The following LMBR1 variants were observed in gnomAD, a reference collection of about 807,000 sequenced individuals.
LMBR1 encodes the protein limb region 1 protein homolog.
Under a neutral mutation model 73.9 loss-of-function variants are expected in LMBR1, and 52 were observed. The ratio of observed to expected loss-of-function variants is 0.70; its 90% CI spans 0.56 to 0.89. The LOEUF is 0.89. Ranked by LOEUF, LMBR1 falls within the 40% of genes least tolerant of loss-of-function variation. The pLI, the probability that LMBR1 is intolerant of heterozygous loss-of-function variation, is 0.00. For missense variants in LMBR1, 539 were observed against 579.8 expected (o/e 0.93, Z 0.72); for synonymous variants, 215 against 209.4 (o/e 1.03, Z -0.23).
At chr7:156,801,731 C>T (rs796830208) in intron 4 of LMBR1, among the ~76,000 whole-genome samples, 17 of 152,138 alleles carry the variant, frequency 1.1e-4, no homozygotes, top group African/African-American at 4.1e-4. Context: ...GAGGTTTCAC[C>T]ATGTTGTCCA....
At chr7:156,734,626 A>G (rs1817512956) in intron 9 of LMBR1, among the ~76,000 whole-genome samples, 1 of 152,218 alleles carries the variant, frequency 6.6e-6, no homozygotes, top group Non-Finnish European at 1.5e-5. Context: ...CACCAGTACC[A>G]CAAAACCTAT....
At chr7:156,883,793 C>T (rs1365488958) in intron 1 of LMBR1, among the ~76,000 whole-genome samples, 1 of 152,176 alleles carries the variant, frequency 6.6e-6, no homozygotes, top group African/African-American at 2.4e-5. Context: ...TCTGTCATCA[C>T]ATCTCCTCTG....
chr7:156,676,307 G>A (rs550976049), downstream of LMBR1: 35 of 1,608,102 alleles, frequency 2.2e-5, no homozygotes, highest in South Asian at 6.6e-5. Flanking sequence ...TGAAACTTCC[G>A]CATGTTTCGA....
At chr7:156,844,506 C>T (rs1261213774) in intron 1 of LMBR1, among the ~76,000 whole-genome samples, 2 of 151,184 alleles carry the variant, frequency 1.3e-5, no homozygotes, top group East Asian at 1.9e-4. Context: ...TAAAAGAAAG[C>T]TATAATGATG....
intron 9 of LMBR1, among the ~76,000 whole-genome samples, chr7:156,748,884 T>G (rs188647239): frequency 3.0e-4 from 45 of 152,322 alleles, no homozygotes; most frequent in African/African-American, 1.1e-3. Flanking sequence ...TTCCTAAGCA[T>G]TCCTCATTTA....
rs1259777745 is a variant in LMBR1 at position 156,680,821 on chromosome 7, T to C, written c.*3257A>G. On this transcript the variant is annotated 3_prime_UTR_variant, in exon 17 of 17. Coordinates refer to ENST00000353442, the MANE Select transcript of LMBR1 (RefSeq NM_022458.4). ...GTTTTAGCCATGATAATATTTAAGA[T>C]GGAAAAAACAAAAGAACAAATAAAC... The C allele has an allele frequency of 4.9e-6, 1 of 203,238 alleles. No homozygotes were observed. The highest frequency in any genetic ancestry group is 9.8e-6 in the Non-Finnish European group (1 of 101,938). The allele number at this position is 203,238 out of a possible 1,614,324, so 12.6% of individuals were successfully genotyped here.
chr7:156,803,032 T>G (rs1408221957), intron 4 of LMBR1, among the ~76,000 whole-genome samples: 2 of 152,120 alleles, frequency 1.3e-5, no homozygotes, highest in African/African-American at 2.4e-5. Flanking sequence ...ATGTTAGACC[T>G]AAAACCATAA....
rs146816840 is a variant in LMBR1, at chr7:156,818,613, C to T, written c.319+7992G>A. Among the ~76,000 whole-genome samples, 4 of 152,242 alleles carry T rather than the reference C, an allele frequency of 2.6e-5. No homozygotes were observed. The East Asian group carries it at 7.7e-4, about 29-fold the overall frequency. ...TTAAAATTAGCGATTTTAAAGTGAA[C>T]AATTCAGTGGCATTTGCACTGAACT... On this transcript the variant is annotated intron_variant, in intron 4 of 16. Transcript: ENST00000353442.
chr7:156,816,352 C>CGCA (rs961763964), intron 4 of LMBR1, among the ~76,000 whole-genome samples: 1 of 152,068 alleles, frequency 6.6e-6, no homozygotes, highest in African/African-American at 2.4e-5. Flanking sequence ...ATTATAGACA[C>CGCA]GCACCATCAC....
At chr7:156,726,156 T>C (rs1051741276) in intron 12 of LMBR1, 1 of 228,522 alleles carries the variant, frequency 4.4e-6, no homozygotes, top group Non-Finnish European at 8.4e-6. Flanking sequence ...AAATCCTGAA[T>C]AGTTTTGGGA....
At chr7:156,850,390 C>CA (rs2134067189) in intron 1 of LMBR1, among the ~76,000 whole-genome samples, 1 of 152,314 alleles carries the variant, frequency 6.6e-6, no homozygotes, top group South Asian at 2.1e-4. Flanking sequence ...TAGCACAAAA[C>CA]AGACTAAGAC....
chr7:156,738,785 A>G (rs187972112), intron 9 of LMBR1, among the ~76,000 whole-genome samples: 29 of 152,198 alleles, frequency 1.9e-4, no homozygotes, highest in African/African-American at 7.0e-4. Flanking sequence ...CCTACTGACT[A>G]AAGAGCCCTT....
chr7:156,885,697 T>G (rs1801772058), intron 1 of LMBR1, among the ~76,000 whole-genome samples: 1 of 151,824 alleles, frequency 6.6e-6, no homozygotes, highest in Non-Finnish European at 1.5e-5. Flanking sequence ...GCCAACATGG[T>G]AAAACCCTGC....
chr7:156,787,897 C>T (rs995473689), intron 5 of LMBR1, among the ~76,000 whole-genome samples: 23 of 152,346 alleles, frequency 1.5e-4, no homozygotes, highest in Non-Finnish European at 2.8e-4. Context: ...CTGCCTCAGC[C>T]TCCTGAGTAG....
intron 3 of LMBR1, among the ~76,000 whole-genome samples, chr7:156,829,195 C>T (rs1836231232): frequency 6.6e-6 from 1 of 152,322 alleles, no homozygotes; most frequent in Non-Finnish European, 1.5e-5. Context: ...AGGAGACACC[C>T]CTCTGCGCAG....
intron 4 of LMBR1, among the ~76,000 whole-genome samples, chr7:156,805,093 T>C (rs1441305648): frequency 1.3e-5 from 2 of 152,156 alleles, no homozygotes; most frequent in Admixed American, 6.5e-5. Context: ...AAAAAAATCA[T>C]CTTCCCACTA....
chr7:156,692,320 G>A (rs979275226), intron 15 of LMBR1, among the ~76,000 whole-genome samples: 3 of 152,080 alleles, frequency 2.0e-5, no homozygotes, highest in Admixed American at 6.5e-5. Flanking sequence ...CAGATGATCC[G>A]CCCTCCTGGA....
At chr7:156,688,269 T>A (rs2131886914) in intron 15 of LMBR1, 78 bp from the exon 16 acceptor site, 1 of 982,058 alleles carries the variant, frequency 1.0e-6, no homozygotes, top group Non-Finnish European at 1.5e-6. Context: ...AAGTACAAGT[T>A]AGATCGAATT....
chr7:156,702,920 G>A (rs577953797), intron 15 of LMBR1, among the ~76,000 whole-genome samples: 1 of 152,344 alleles, frequency 6.6e-6, no homozygotes, highest in East Asian at 1.9e-4. Flanking sequence ...AAAAGGAAAA[G>A]TCGAATTCTG....
Sources: gnomAD v4.1 joint callset for allele counts (sites outside exome capture counted in the v4.1 genomes callset) on GRCh38, gnomAD v4.1.1 for gene constraint, MANE v1.5 for transcripts, NCBI Gene and HGNC (gene_info 2026-07-23, HGNC 2026-07-21) for gene names.